The following TENM2 variants were observed in gnomAD, a reference collection of about 807,000 sequenced individuals.
TENM2 encodes the protein teneurin transmembrane protein 2, also known as teneurin-2.
Under a neutral mutation model 245.2 loss-of-function variants are expected in TENM2, and 52 were observed. That is an observed-to-expected ratio of 0.21 (90% CI 0.17 to 0.27). The LOEUF is 0.27. Among genes scored for constraint, TENM2 ranks in the 10% least tolerant of loss-of-function variants. The pLI is 1.00. For synonymous variants in TENM2, 1,363 were observed against 1,438.9 expected (o/e 0.95, Z 1.19); for missense variants, 3,046 against 3,666.8 (o/e 0.83, Z 4.37).
At chr5:168,067,070 C>G (rs1454759623) in intron 7 of TENM2, among the ~76,000 whole-genome samples, 1 of 152,184 alleles carries the variant, frequency 6.6e-6, no homozygotes, top group Non-Finnish European at 1.5e-5. Context: ...CCGGAGACAA[C>G]AAGATGCAGT....
At chr5:167,340,210 G>T (rs1258935625) in intron 1 of TENM2, among the ~76,000 whole-genome samples, 2 of 152,084 alleles carry the variant, frequency 1.3e-5, no homozygotes, top group African/African-American at 4.8e-5. Context: ...CCTAACATCT[G>T]TATTTCTATA....
chr5:168,200,119 T>C (rs752827226), exon 17 of TENM2: 1 of 1,612,828 alleles, frequency 6.2e-7, no homozygotes, highest in Non-Finnish European at 8.5e-7. Flanking sequence ...GTATGGACTC[T>C]CAGATGCTGT....
chr5:167,249,352 A>G, the TENM2 span, among the ~76,000 whole-genome samples: 27 of 152,324 alleles, frequency 1.8e-4, no homozygotes, highest in South Asian at 5.2e-3. Flanking sequence ...GCAGCTGGCT[A>G]TGCCATTTAG....
intron 10 of TENM2, among the ~76,000 whole-genome samples, chr5:168,119,713 A>T (rs904640702): frequency 7.2e-5 from 11 of 152,194 alleles, no homozygotes; most frequent in Admixed American, 2.6e-4. Flanking sequence ...TCTCCCAGTG[A>T]AATGCCCTCA....
intron 2 of TENM2, among the ~76,000 whole-genome samples, chr5:167,827,147 C>A (rs1385617579): frequency 6.6e-6 from 1 of 152,142 alleles, no homozygotes; most frequent in Non-Finnish European, 1.5e-5. Flanking sequence ...CTGTTTTAAC[C>A]AGATAACGAA....
At chr5:168,167,519 G>A (rs1758412018) in intron 13 of TENM2, among the ~76,000 whole-genome samples, 1 of 152,216 alleles carries the variant, frequency 6.6e-6, no homozygotes, top group Non-Finnish European at 1.5e-5. Flanking sequence ...GAGACCAAGG[G>A]AGGTGATGTC....
intron 2 of TENM2, among the ~76,000 whole-genome samples, chr5:167,409,990 CAACT>C (rs1762827634): frequency 2.0e-5 from 3 of 151,966 alleles, no homozygotes; most frequent in East Asian, 3.9e-4. Flanking sequence ...TTTAATAACT[CAACT>C]AAACAAATTA....
the TENM2 span, among the ~76,000 whole-genome samples, chr5:167,160,601 A>T: frequency 6.6e-6 from 1 of 152,258 alleles, no homozygotes; most frequent in African/African-American, 2.4e-5. Flanking sequence ...TTCAGGCCTC[A>T]GCTTAATTGT....
the TENM2 span, among the ~76,000 whole-genome samples, chr5:167,041,244 A>G: frequency 6.6e-6 from 1 of 152,182 alleles, no homozygotes; most frequent in African/African-American, 2.4e-5. Context: ...ATCTCTTTAG[A>G]GGTATAGAAA....
chr5:167,974,573 T>A (rs930542658), intron 4 of TENM2, among the ~76,000 whole-genome samples: 4 of 152,218 alleles, frequency 2.6e-5, no homozygotes, highest in Non-Finnish European at 4.4e-5. Flanking sequence ...CCACTCAATG[T>A]CAGGTGTGTG....
At chr5:167,017,421 T>C in the TENM2 span, among the ~76,000 whole-genome samples, 1 of 152,356 alleles carries the variant, frequency 6.6e-6, no homozygotes, top group Non-Finnish European at 1.5e-5. Context: ...TTGTGGACCA[T>C]TTGGTTTTTG....
intron 25 of TENM2, chr5:168,229,490 G>C (rs1764625228): frequency 6.6e-6 from 1 of 151,862 alleles, no homozygotes; most frequent in Non-Finnish European, 1.5e-5. Context: ...CAGGTTGCGG[G>C]GAGATGGGAG....
chr5:167,952,381 G>A lies in TENM2; in HGVS notation c.713-207G>A, dbSNP rs147518055. On this transcript the variant is annotated intron_variant, in intron 3 of 28. Transcript: ENST00000518659. ...AGTTTCTCATTATTCTTCATTTGAT[G>A]CGTGTGGATAAATGCAAATCAAAGC... 8.0e-4 allele frequency: 475 copies of A among 592,904 alleles called. 1 individual carries two copies. In the African/African-American group the frequency reaches 8.1e-3, roughly 10 times the overall value. The allele number at this position is 592,904 out of a possible 1,614,324, so 36.7% of individuals were successfully genotyped here. A position where few individuals can be genotyped will look rare whatever the true frequency, so the allele number is the denominator to read the frequency against.
At chr5:167,554,111 C>G (rs956251639) in intron 2 of TENM2, among the ~76,000 whole-genome samples, 1 of 152,194 alleles carries the variant, frequency 6.6e-6, no homozygotes, top group Non-Finnish European at 1.5e-5. Context: ...GAATTCCCAC[C>G]ACAGCAATAT....
intron 2 of TENM2, among the ~76,000 whole-genome samples, chr5:167,667,124 C>T (rs1321865757): frequency 6.6e-6 from 1 of 152,126 alleles, no homozygotes; most frequent in African/African-American, 2.4e-5. Flanking sequence ...AGAGCTGTAT[C>T]CTTACATCTG....
chr5:167,872,512 G>GAA (rs1190950262), intron 2 of TENM2, among the ~76,000 whole-genome samples: 116 of 11,630 alleles, frequency 1.0e-2, no homozygotes, highest in African/African-American at 0.022. Context: ...AAGAAAGAAA[G>GAA]AAAGAAAGAA....
intron 2 of TENM2, among the ~76,000 whole-genome samples, chr5:167,747,156 G>A (rs948978187): frequency 6.6e-6 from 1 of 152,082 alleles, no homozygotes; most frequent in Non-Finnish European, 1.5e-5. Context: ...AAAACAAAAC[G>A]AAAAACCCAG....
At chr5:167,049,258 C>T in the TENM2 span, among the ~76,000 whole-genome samples, 2 of 152,160 alleles carry the variant, frequency 1.3e-5, no homozygotes, top group South Asian at 2.1e-4. Flanking sequence ...AAATCAGCGC[C>T]CTCTAGGCAC....
At chr5:168,102,085 T>G (rs950948196) in intron 9 of TENM2, among the ~76,000 whole-genome samples, 14 of 152,138 alleles carry the variant, frequency 9.2e-5, no homozygotes, top group Non-Finnish European at 2.9e-5. Context: ...TGTTGTTGTT[T>G]TTTTTGAGAT....
Sources: allele counts gnomAD v4.1 joint callset (sites outside exome capture counted in the v4.1 genomes callset), GRCh38; gene constraint gnomAD v4.1.1; transcripts MANE v1.5; gene names NCBI Gene and HGNC (gene_info 2026-07-23, HGNC 2026-07-21).